NFIC: variants seen among roughly 807,000 people sequenced by gnomAD.
NFIC encodes the protein nuclear factor 1 C-type.
Under a neutral mutation model 54.4 loss-of-function variants are expected in NFIC, and 12 were observed. The observed-to-expected ratio is 0.22, with a 90% CI of 0.14 to 0.36. NFIC has a LOEUF of 0.36. Among genes scored for constraint, NFIC ranks in the 10% least tolerant of loss-of-function variants. NFIC has a pLI of 1.00. For synonymous variants in NFIC, 322 were observed against 319.2 expected (o/e 1.01, Z -0.09); for missense variants, 575 against 718.2 (o/e 0.80, Z 2.28).
At chr19:3,408,113 C>T (rs958341212) in intron 2 of NFIC, among the ~76,000 whole-genome samples, 1 of 152,020 alleles carries the variant, frequency 6.6e-6, no homozygotes, top group African/African-American at 2.4e-5. Context: ...ATTTGGAAGC[C>T]GGCTAACGTT....
intron 2 of NFIC, among the ~76,000 whole-genome samples, chr19:3,416,720 C>G (rs1484287469): frequency 6.6e-6 from 1 of 151,796 alleles, no homozygotes; most frequent in Non-Finnish European, 1.5e-5. Context: ...GACGGGGTTT[C>G]TCCATGTTGG....
Position 3,453,652 on chromosome 19 carries a change from C to T in NFIC, c.1270-111C>T, listed in dbSNP as rs1204537725. On this transcript the variant is annotated intron_variant, in intron 8 of 10. Coordinates refer to ENST00000443272, the MANE Select transcript of NFIC (RefSeq NM_001245002.2). The surrounding 1 kb of genome is among the most constrained non-coding windows in gnomAD (Gnocchi z 6.7). ...ATGGTCACACCCGCGCCCTGGCCCC[C>T]CAGCCTGCCACCCCGTCCGGGCCGT... The T allele has an allele frequency of 5.6e-6, 8 of 1,426,890 alleles. No individual in the cohort carries two copies. The highest frequency in any genetic ancestry group is 7.4e-6 in the Non-Finnish European group (8 of 1,084,138). The allele number at this position is 1,426,890 out of a possible 1,614,324, so 88.4% of individuals were successfully genotyped here.
chr19:3,373,963 C>T (rs1269729533), intron 1 of NFIC, among the ~76,000 whole-genome samples: 5 of 152,166 alleles, frequency 3.3e-5, no homozygotes, highest in Admixed American at 6.5e-5. Context: ...ACGCTGGTGC[C>T]GGATGGGCCT....
At chr19:3,403,295 A>C (rs1415923964) in intron 2 of NFIC, among the ~76,000 whole-genome samples, 2 of 152,148 alleles carry the variant, frequency 1.3e-5, no homozygotes, top group Non-Finnish European at 2.9e-5. Context: ...CCCACATTCA[A>C]GGCAACATTT....
intron 2 of NFIC, among the ~76,000 whole-genome samples, chr19:3,391,509 G>A: frequency 6.6e-6 from 1 of 151,786 alleles, no homozygotes; most frequent in South Asian, 2.1e-4. Context: ...AAATTAGCCA[G>A]TCGTAGGCCA....
At position 3,435,149 on chromosome 19, in the gene NFIC, C is replaced by T; in HGVS notation, c.900C>T (p.Tyr300=). The change falls in exon 6 of 11, where the codon TAC becomes TAT. Residue 300 remains tyrosine, a synonymous_variant. Coordinates refer to ENST00000443272, the MANE Select transcript of NFIC (RefSeq NM_001245002.2). The part of the protein sequence containing the change: ...DVDTSPGGDY[Y]TSPSSPTSSS... ...ACACGAGCCCTGGCGGCGATTACTACACTTCGCCCAGCTCGCCCACGAGTA... is the reference window on the plus strand; with the variant it reads ...ACACGAGCCCTGGCGGCGATTACTATACTTCGCCCAGCTCGCCCACGAGTA... 2.5e-6 allele frequency: 4 copies of T among 1,605,498 alleles called. No homozygotes were observed. Among genetic ancestry groups the T allele is most frequent in the Non-Finnish European group, 3.4e-6 (4 of 1,176,866 alleles).
chr19:3,384,531 G>C (rs1411190216), intron 2 of NFIC, among the ~76,000 whole-genome samples: 1 of 152,166 alleles, frequency 6.6e-6, no homozygotes, highest in African/African-American at 2.4e-5. Context: ...TGGGCTTACA[G>C]GTGACTGCCA....
intron 2 of NFIC, among the ~76,000 whole-genome samples, chr19:3,389,405 G>A (rs140431912): frequency 2.2e-4 from 34 of 152,250 alleles, no homozygotes; most frequent in African/African-American, 7.7e-4. Flanking sequence ...GGAGCAAGGC[G>A]GGTCTTCACT....
Position 3,366,600 on chromosome 19 carries a change from C to A in NFIC, c.-37C>A, listed in dbSNP as rs751103560. 2.1e-6 allele frequency: 3 copies of A among 1,414,174 alleles called. No homozygotes were observed. In the Admixed American group the frequency reaches 7.9e-5, roughly 37 times the overall value. 87.6% of individuals were successfully genotyped at this position (1,414,174 alleles called of 1,614,324 possible). The stretch of plus-strand genomic sequence containing the variant: ...AATGACTCAGTAAGTTCAGCGCGCC[C>A]GCTCCGGCCGGCCCTGCGCCTCCCG... On this transcript the variant is annotated 5_prime_UTR_variant, in exon 1 of 11. Coordinates refer to ENST00000443272, the MANE Select transcript of NFIC (RefSeq NM_001245002.2).
chr19:3,371,924 CTT>C (rs1279069591), intron 1 of NFIC, among the ~76,000 whole-genome samples: 44 of 132,638 alleles, frequency 3.3e-4, no homozygotes, highest in East Asian at 1.1e-3. Context: ...TCCTTCCTTC[CTT>C]CCTTCCTTCC....
In NFIC at chr19:3,370,585, CT is replaced by C. The variant is rs1340872139; in HGVS notation, c.30+3921del. Reference sequence around the variant, plus strand: ...TCTGTCTCCCTTTCCGTCTTTCCCTCTTCCTTTCTCTCTCTCTCCCCGTCTC... The same window carrying C: ...TCTGTCTCCCTTTCCGTCTTTCCCTCTCCTTTCTCTCTCTCTCCCCGTCTC... On this transcript the variant is annotated intron_variant, in intron 1 of 10. Transcript: ENST00000443272. The surrounding 1 kb of genome is among the most constrained non-coding windows in gnomAD (Gnocchi z 5.2). Among the ~76,000 whole-genome samples, 2 of 150,636 alleles carry C rather than the reference CT, an allele frequency of 1.3e-5. No homozygotes were observed. The highest frequency in any genetic ancestry group is 3.0e-5 in the Non-Finnish European group (2 of 67,534).
chr19:3,394,498 G>A (rs1478991211), intron 2 of NFIC, among the ~76,000 whole-genome samples: 4 of 109,728 alleles, frequency 3.6e-5, no homozygotes, highest in Admixed American at 2.0e-4. Flanking sequence ...AGTTATCGAG[G>A]TATTTTATGA....
chr19:3,411,482 CA>C (rs1447805683), intron 2 of NFIC, among the ~76,000 whole-genome samples: 24 of 152,060 alleles, frequency 1.6e-4, no homozygotes, highest in African/African-American at 5.1e-4. Flanking sequence ...CACACACCAC[CA>C]TGCCCGGCTA....
chr19:3,455,513 G>A (rs1398282990), intron 9 of NFIC, among the ~76,000 whole-genome samples: 1 of 149,694 alleles, frequency 6.7e-6, no homozygotes, highest in Non-Finnish European at 1.5e-5. Context: ...CTTAATAGGT[G>A]CAGGATACTG....
At chr19:3,422,476 G>A (rs2081967285) in intron 2 of NFIC, among the ~76,000 whole-genome samples, 1 of 151,672 alleles carries the variant, frequency 6.6e-6, no homozygotes, top group Non-Finnish European at 1.5e-5. Flanking sequence ...CCAGCACTTT[G>A]GGAGGCCGAG....
intron 6 of NFIC, among the ~76,000 whole-genome samples, chr19:3,444,468 G>A (rs1424662037): frequency 6.6e-6 from 1 of 152,264 alleles, no homozygotes; most frequent in Non-Finnish European, 1.5e-5. Context: ...TCCCACAGGG[G>A]TCCCAGGCAT....
intron 3 of NFIC, among the ~76,000 whole-genome samples, chr19:3,426,109 AT>A (rs917764085): frequency 6.7e-6 from 1 of 149,838 alleles, no homozygotes; most frequent in Admixed American, 6.7e-5. Flanking sequence ...TAATTTTTGT[AT>A]TTTTAGTAGA....
chr19:3,428,433 T>C (rs967503270), intron 3 of NFIC, among the ~76,000 whole-genome samples: 4 of 146,820 alleles, frequency 2.7e-5, no homozygotes, highest in African/African-American at 7.6e-5. Context: ...GCCTGGGGGA[T>C]AGAGTGAGAC....
At chr19:3,436,906 C>CT (rs2082211993) in intron 6 of NFIC, among the ~76,000 whole-genome samples, 1 of 152,184 alleles carries the variant, frequency 6.6e-6, no homozygotes, top group South Asian at 2.1e-4. Context: ...GGGCACATCA[C>CT]TTAACTTCTC....
Sources: gnomAD v4.1 joint callset for allele counts (sites outside exome capture counted in the v4.1 genomes callset) on GRCh38, gnomAD v4.1.1 for gene constraint, Gnocchi (gnomAD v3.1) non-coding constraint, MANE v1.5 for transcripts, NCBI Gene and HGNC (gene_info 2026-07-23, HGNC 2026-07-21) for gene names.